TMED10: variants seen among roughly 807,000 people sequenced by gnomAD.
The protein encoded by TMED10 is transmembrane p24 trafficking protein 10, also known as transmembrane emp24 domain-containing protein 10.
A neutral mutation model predicts 23.1 loss-of-function variants in TMED10; 7 were observed. The ratio of observed to expected loss-of-function variants is 0.30; its 90% CI spans 0.17 to 0.57. The LOEUF (loss-of-function observed/expected upper bound fraction) is 0.57. TMED10 is among the 20% of genes least tolerant of loss of function. TMED10 has a pLI of 0.91. For missense variants in TMED10, 162 were observed against 274.8 expected, an observed-to-expected ratio of 0.59 and a Z score of 2.90; for synonymous variants, 113 against 106.9, an observed-to-expected ratio of 1.06 and a Z score of -0.35.
intron 1 of TMED10, among the ~76,000 whole-genome samples, chr14:75,170,332 T>C (rs911315113): frequency 1.1e-4 from 16 of 152,204 alleles, no homozygotes; most frequent in Non-Finnish European, 1.8e-4. Flanking sequence ...TTGCATGGTA[T>C]ATTACATTTT....
At chr14:75,172,194 G>A (rs1267067380) in intron 1 of TMED10, among the ~76,000 whole-genome samples, 1 of 152,180 alleles carries the variant, frequency 6.6e-6, no homozygotes, top group Non-Finnish European at 1.5e-5. Flanking sequence ...GAGGTGAGAG[G>A]AAGAGGAGAC....
intron 3 of TMED10, among the ~76,000 whole-genome samples, chr14:75,143,818 C>T (rs1405404853): frequency 6.6e-6 from 1 of 151,598 alleles, no homozygotes; most frequent in African/African-American, 2.4e-5. Flanking sequence ...CTTGTAATCC[C>T]AGCTACTCGG....
intron 1 of TMED10, among the ~76,000 whole-genome samples, chr14:75,152,885 C>T (rs1012310592): frequency 2.0e-5 from 3 of 151,922 alleles, no homozygotes; most frequent in Non-Finnish European, 4.4e-5. Context: ...TTTGGGAGGC[C>T]GAGGCGGATG....
intron 1 of TMED10, among the ~76,000 whole-genome samples, chr14:75,175,299 T>A (rs1027189142): frequency 2.6e-5 from 4 of 152,056 alleles, no homozygotes; most frequent in Non-Finnish European, 5.9e-5. Context: ...GGTATTTACA[T>A]AAAAGAGCCA....
At chr14:75,138,825 T>TA (rs60535884) in intron 3 of TMED10, among the ~76,000 whole-genome samples, 65,794 of 141,610 alleles carry the variant, frequency 0.46, 15,909 homozygotes, top group East Asian at 0.83. Flanking sequence ...TTTTTTTTTT[T>TA]TTTTTTTATT....
chr14:75,164,563 A>T lies in TMED10; in HGVS notation c.225+11792T>A, dbSNP rs1566675226. ...TATATATATATATATATATATATAT[A>T]TATATATATATATATTTTTTTTTTT... On this transcript the variant is annotated intron_variant, in intron 1 of 4. Coordinates refer to ENST00000303575, the MANE Select transcript of TMED10 (RefSeq NM_006827.6). Among the ~76,000 whole-genome samples the T allele has an allele frequency of 1.4e-3, 6 of 4,238 alleles. 1 individual carries two copies. Among genetic ancestry groups the T allele is most frequent in the South Asian group, 8.3e-3 (1 of 120 alleles). The allele number at this position is 4,238 out of a possible 152,430, so 2.8% of individuals were successfully genotyped here.
chr14:75,135,712 G>A, intron 4 of TMED10, 48 bp downstream of exon 4: 1 of 1,597,284 alleles, frequency 6.3e-7, no homozygotes, highest in Non-Finnish European at 8.5e-7. Flanking sequence ...TTTGGAGACT[G>A]TCTCATTTAT....
intron 1 of TMED10, among the ~76,000 whole-genome samples, chr14:75,154,082 T>C (rs937921789): frequency 6.7e-6 from 1 of 148,494 alleles, no homozygotes; most frequent in African/African-American, 2.5e-5. Flanking sequence ...TTTTTGAAAA[T>C]GACATGTAGC....
chr14:75,162,794 C>G (rs571801207), intron 1 of TMED10, among the ~76,000 whole-genome samples: 28 of 151,962 alleles, frequency 1.8e-4, no homozygotes, highest in Non-Finnish European at 3.1e-4. Context: ...ATAAGTGAAT[C>G]ATGGTTTTGA....
intron 3 of TMED10, among the ~76,000 whole-genome samples, chr14:75,146,908 C>CAGATAGATAGATAGATAGATAGATAGAT (rs35810783): frequency 2.0e-5 from 3 of 149,596 alleles, no homozygotes; most frequent in Admixed American, 1.3e-4. Context: ...ATCCATGCCC[C>CAGATAGATAGATAGATAGATAGATAGAT]AGATAGATAG....
chr14:75,140,895 A>G (rs1895814077), intron 3 of TMED10, among the ~76,000 whole-genome samples: 2 of 152,192 alleles, frequency 1.3e-5, no homozygotes, highest in Non-Finnish European at 2.9e-5. Context: ...CAAAGTAGTA[A>G]TAATAATAAA....
rs754274689 is a variant in TMED10 at position 75,134,880 on chromosome 14, A to G, written c.*5T>C. The G allele has an allele frequency of 1.9e-6, 3 of 1,613,744 alleles. No individual in the cohort carries two copies. The highest frequency in any genetic ancestry group is 1.1e-5 in the South Asian group (1 of 91,084). On this transcript the variant is annotated 3_prime_UTR_variant, in exon 5 of 5. Coordinates refer to ENST00000303575, the MANE Select transcript of TMED10 (RefSeq NM_006827.6). ...ACAAGGTGGGAGGAGAATATGCCTC[A>G]TTCATTACTCAATCAATTTCTTGGC...
chr14:75,160,211 C>T (rs900519941), intron 1 of TMED10, among the ~76,000 whole-genome samples: 1 of 152,152 alleles, frequency 6.6e-6, no homozygotes, highest in African/African-American at 2.4e-5. Flanking sequence ...CTATCTAGTT[C>T]ATATAACTTT....
chr14:75,172,120 C>T (rs1248203199), intron 1 of TMED10, among the ~76,000 whole-genome samples: 3 of 151,910 alleles, frequency 2.0e-5, no homozygotes, highest in East Asian at 1.9e-4. Flanking sequence ...AAGACAACTC[C>T]GAAATGCTGT....
chr14:75,151,544 G>C (rs1003736602), intron 2 of TMED10, among the ~76,000 whole-genome samples: 1 of 152,132 alleles, frequency 6.6e-6, no homozygotes, highest in Non-Finnish European at 1.5e-5. Context: ...CACTTTGTTA[G>C]AGCAGTTTTA....
intron 1 of TMED10, among the ~76,000 whole-genome samples, chr14:75,162,577 G>A (rs528394481): frequency 6.6e-6 from 1 of 152,262 alleles, no homozygotes; most frequent in South Asian, 2.1e-4. Context: ...TACATAAAGT[G>A]ACTTCCTTCT....
chr14:75,164,570 TATATATA>T (rs1230722673), intron 1 of TMED10, among the ~76,000 whole-genome samples: 57 of 2,880 alleles, frequency 0.02, no homozygotes, highest in African/African-American at 0.049. Context: ...TATATATATA[TATATATA>T]TTTTTTTTTT....
chr14:75,167,927 G>A (rs1594875108), intron 1 of TMED10, among the ~76,000 whole-genome samples: 1 of 152,102 alleles, frequency 6.6e-6, no homozygotes, highest in Non-Finnish European at 1.5e-5. Context: ...TGTAAATGAC[G>A]AGTTGATACT....
chr14:75,150,323 A>G (rs1214990785), intron 2 of TMED10, among the ~76,000 whole-genome samples: 1 of 152,206 alleles, frequency 6.6e-6, no homozygotes, highest in East Asian at 1.9e-4. Flanking sequence ...TGATTACGAC[A>G]TTGTCCATGG....
Sources: allele counts gnomAD v4.1 joint callset (sites outside exome capture counted in the v4.1 genomes callset), GRCh38; gene constraint gnomAD v4.1.1; transcripts MANE v1.5; gene names NCBI Gene and HGNC (gene_info 2026-07-23, HGNC 2026-07-21).